EPHX2: variants seen among roughly 807,000 people sequenced by gnomAD.
EPHX2 encodes epoxide hydrolase 2, also known as bifunctional epoxide hydrolase 2.
Under a neutral mutation model 78.7 loss-of-function variants are expected in EPHX2, and 74 were observed. The observed-to-expected ratio is 0.94, with a 90% CI of 0.78 to 1.14. The LOEUF (loss-of-function observed/expected upper bound fraction) is 1.14, where lower values mean the gene tolerates loss of function less well. Ranked by LOEUF, EPHX2 falls within the 50% of genes most tolerant of loss-of-function variation. EPHX2 has a pLI of 0.00. For synonymous variants in EPHX2, 251 were observed against 255.2 expected (o/e 0.98, Z 0.16); for missense variants, 715 against 702.5 (o/e 1.02, Z -0.20).
At chr8:27,547,945 G>A (rs753906504), downstream of EPHX2, among the ~76,000 whole-genome samples, 5 of 152,068 alleles carry the variant, frequency 3.3e-5, no homozygotes, top group Non-Finnish European at 7.4e-5. Flanking sequence ...TGATTACAAA[G>A]GGAATAGATT....
intron 12 of EPHX2, among the ~76,000 whole-genome samples, chr8:27,530,498 A>G (rs1038490558): frequency 6.6e-6 from 1 of 152,214 alleles, no homozygotes; most frequent in South Asian, 2.1e-4. Flanking sequence ...ACACACATAT[A>G]TAATTTTTCA....
intron 3 of EPHX2, among the ~76,000 whole-genome samples, chr8:27,504,514 G>A (rs1813923228): frequency 6.6e-6 from 1 of 152,242 alleles, no homozygotes; most frequent in Non-Finnish European, 1.5e-5. Flanking sequence ...GTCAAGCAGT[G>A]TTTTCAGTAG....
chr8:27,494,739 G>A (rs1813512287), intron 1 of EPHX2, among the ~76,000 whole-genome samples: 1 of 152,222 alleles, frequency 6.6e-6, no homozygotes. Context: ...CCTGTAAATA[G>A]GGATTTGGCC....
At chr8:27,520,305 A>T (rs1254327487) in intron 9 of EPHX2, among the ~76,000 whole-genome samples, 1 of 151,122 alleles carries the variant, frequency 6.6e-6, no homozygotes, top group Non-Finnish European at 1.5e-5. Context: ...AGCTGGGATT[A>T]CAGGCGCCGG....
At chr8:27,538,083 G>T (rs371304634) in intron 13 of EPHX2, among the ~76,000 whole-genome samples, 8 of 152,192 alleles carry the variant, frequency 5.3e-5, no homozygotes, top group African/African-American at 1.7e-4. Context: ...AGATCATGCA[G>T]AGAATGCAAA....
chr8:27,536,689 A>G, intron 12 of EPHX2, 95 bp from the exon 13 acceptor site: 1 of 1,282,602 alleles, frequency 7.8e-7, no homozygotes, highest in East Asian at 2.3e-5. Context: ...GATGGGGCAC[A>G]GGTAGGGTGC....
chr8:27,506,954 A>G lies in EPHX2; in HGVS notation c.620A>G (p.Asp207Gly). 2 of 1,614,076 alleles carry G rather than the reference A, an allele frequency of 1.2e-6. No homozygotes were observed. Among genetic ancestry groups the G allele is most frequent in the Non-Finnish European group, 8.5e-7 (1 of 1,180,020 alleles). ...GTCACCATCCTGGTCCAGGACACTG[A>G]CACGGCCCTGAAAGAACTGGAGAAA... is the stretch of plus-strand genomic sequence containing the variant. ...GMVTILVQDTDTALKELEKVT... is the reference protein window; with the variant it reads ...GMVTILVQDTGTALKELEKVT... Residue 207 changes from aspartate to glycine, a missense_variant, in exon 5 of 19, where the codon GAC (aspartate) becomes GGC (glycine). Coordinates refer to ENST00000521400, the MANE Select transcript of EPHX2 (RefSeq NM_001979.6).
At chr8:27,546,265 A>C (rs1316030522), downstream of EPHX2, among the ~76,000 whole-genome samples, 1 of 152,188 alleles carries the variant, frequency 6.6e-6, no homozygotes, top group Non-Finnish European at 1.5e-5. Context: ...CATCTATAAA[A>C]AAGGGGACGT....
chr8:27,514,558 G>A (rs942717477), intron 6 of EPHX2, among the ~76,000 whole-genome samples: 1 of 152,196 alleles, frequency 6.6e-6, no homozygotes, highest in African/African-American at 2.4e-5. Flanking sequence ...GTCCCTTTCA[G>A]TGGCTTCACA....
intron 12 of EPHX2, among the ~76,000 whole-genome samples, chr8:27,532,762 G>A (rs967972513): frequency 4.6e-5 from 7 of 151,994 alleles, no homozygotes; most frequent in African/African-American, 1.7e-4. Flanking sequence ...TAGATCTAGG[G>A]CCCAATCTAA....
At chr8:27,543,075 A>C (rs66924402) in intron 16 of EPHX2, among the ~76,000 whole-genome samples, 31,584 of 144,972 alleles carry the variant, frequency 0.22, 3,407 homozygotes, top group African/African-American at 0.26. Context: ...ACCTCATAGA[A>C]GCCTCAGGAT....
In EPHX2 at chr8:27,508,331, G is replaced by A. The variant is rs185314752; in HGVS notation, c.660+1337G>A. 3.9e-5 allele frequency among the ~76,000 whole-genome samples: 6 copies of A among 152,064 alleles called. No homozygotes were observed. The East Asian group carries it at 1.2e-3, about 29-fold the overall frequency. On this transcript the variant is annotated intron_variant, in intron 5 of 18. Coordinates refer to ENST00000521400, the MANE Select transcript of EPHX2 (RefSeq NM_001979.6). Reference sequence around the variant, plus strand: ...AAAACAAACAAACAAAAAAGTATTGGCACTAAGACTTTAACGTGAATTTTG... The same window carrying A: ...AAAACAAACAAACAAAAAAGTATTGACACTAAGACTTTAACGTGAATTTTG...
At position 27,505,095 on chromosome 8, in the gene EPHX2, A is replaced by T; in HGVS notation, c.486A>T (p.Glu162Asp). 1 of 1,614,012 alleles carries T rather than the reference A, an allele frequency of 6.2e-7. No individual in the cohort carries two copies. Among genetic ancestry groups the T allele is most frequent in the Non-Finnish European group, 8.5e-7 (1 of 1,180,014 alleles). The change falls in exon 4 of 19, where the codon GAA (glutamate) becomes GAT (aspartate). Residue 162 changes from glutamate to aspartate, a missense_variant. Glu to Asp is a conservative substitution (Grantham distance 45, BLOSUM62 2). Transcript: ENST00000521400. ...GTCAGGTGGGAATGGTCAAACCTGA[A>T]CCTCAGATCTACAAGTTTCTGCTGG... Reference protein sequence around the residue: ...ESCQVGMVKPEPQIYKFLLDT... With the variant: ...ESCQVGMVKPDPQIYKFLLDT...
chr8:27,510,808 C>T (rs1814211028), intron 5 of EPHX2, among the ~76,000 whole-genome samples: 1 of 151,844 alleles, frequency 6.6e-6, no homozygotes, highest in African/African-American at 2.4e-5. Flanking sequence ...AAATAGCTGG[C>T]CGTGGTAGTG....
At chr8:27,507,085 G>C (rs770099567) in intron 5 of EPHX2, 91 bp downstream of exon 5, 1 of 1,519,404 alleles carries the variant, frequency 6.6e-7, no homozygotes, top group Non-Finnish European at 8.9e-7. Flanking sequence ...GCTGCTGTCC[G>C]TGGAGTCCAT....
At chr8:27,501,630 C>G (rs768250370) in intron 2 of EPHX2, among the ~76,000 whole-genome samples, 1 of 151,974 alleles carries the variant, frequency 6.6e-6, no homozygotes, top group Non-Finnish European at 1.5e-5. Context: ...CCAGACTGGT[C>G]TAGAACTCCT....
intron 12 of EPHX2, among the ~76,000 whole-genome samples, chr8:27,533,349 G>A (rs1009295633): frequency 9.2e-5 from 14 of 152,192 alleles, no homozygotes; most frequent in Admixed American, 3.3e-4. Context: ...ACTTCTGTGC[G>A]CAGGAACACA....
At chr8:27,515,145 G>A (rs1188918370) in intron 6 of EPHX2, among the ~76,000 whole-genome samples, 5 of 152,132 alleles carry the variant, frequency 3.3e-5, no homozygotes, top group African/African-American at 1.2e-4. Flanking sequence ...AGCGAGGCGG[G>A]AAGTGCTGTG....
chr8:27,509,286 G>T (rs1814143702), intron 5 of EPHX2, among the ~76,000 whole-genome samples: 2 of 152,056 alleles, frequency 1.3e-5, no homozygotes, highest in South Asian at 4.2e-4. Flanking sequence ...ATCCAAGGAC[G>T]CCTGAGTTGC....
Sources: gnomAD v4.1 joint callset for allele counts (sites outside exome capture counted in the v4.1 genomes callset) on GRCh38, gnomAD v4.1.1 for gene constraint, MANE v1.5 for transcripts, NCBI Gene and HGNC (gene_info 2026-07-23, HGNC 2026-07-21) for gene names.